Variants in VAV3 observed in about 807,000 individuals in gnomAD.
The protein encoded by VAV3 is vav guanine nucleotide exchange factor 3.
VAV3 carries 94 observed loss-of-function variants against 131.2 expected under a neutral mutation model. The observed-to-expected ratio is 0.72, with a 90% CI of 0.61 to 0.85. The LOEUF (loss-of-function observed/expected upper bound fraction) is 0.85, where lower values mean the gene tolerates loss of function less well. Among genes scored for constraint, VAV3 ranks in the 40% least tolerant of loss-of-function variants. The probability of loss-of-function intolerance (pLI) is 0.00; values close to 1 mark genes in which losing one functional copy is unlikely to be tolerated. For synonymous variants in VAV3, 349 were observed against 342.0 expected, an observed-to-expected ratio of 1.02 and a Z score of -0.22; for missense variants, 939 against 1,002.7, an observed-to-expected ratio of 0.94 and a Z score of 0.86.
Position 107,875,026 on chromosome 1 carries a change from T to A in VAV3, c.205-9A>T. On this transcript the variant is annotated splice_polypyrimidine_tract_variant and intron_variant, in intron 1 of 26. Transcript: ENST00000370056. ...TTCTTCAAACAGAGAAACTGAGGAA[T>A]GGAAAAGAGCTGTTAGCATAAAGTT... 1 of 1,605,850 alleles carries A rather than the reference T, an allele frequency of 6.2e-7. No homozygotes were observed. The highest frequency in any genetic ancestry group is 1.1e-5 in the South Asian group (1 of 90,902).
chr1:107,751,146 G>A lies in VAV3; in HGVS notation c.1230C>T (p.Thr410=), dbSNP rs1006662987. The change falls in exon 13 of 27, where the codon ACC becomes ACT. Residue 410 remains threonine, a synonymous_variant. Transcript: ENST00000370056. The part of the protein sequence containing the change: ...RPQGDGEIRI[T]TLDKHTKQER... ...CTTGTTTGGTATGCTTGTCTAGAGT[G>A]GTTATTCGAATTTCACCATCTCCCT... is the stretch of plus-strand genomic sequence containing the variant. 4.3e-6 allele frequency: 7 copies of A among 1,612,682 alleles called. No individual in the cohort carries two copies. The African/African-American group carries it at 5.3e-5, about 12-fold the overall frequency.
intron 22 of VAV3, among the ~76,000 whole-genome samples, chr1:107,603,400 CTAGTAA>C (rs2101108989): frequency 6.6e-6 from 1 of 152,164 alleles, no homozygotes; most frequent in Non-Finnish European, 1.5e-5. Flanking sequence ...CACTAAGCAC[CTAGTAA>C]ATAAATGGGA....
chr1:107,731,992 A>G (rs780280513), intron 15 of VAV3, among the ~76,000 whole-genome samples: 6 of 152,168 alleles, frequency 3.9e-5, no homozygotes, highest in Admixed American at 6.5e-5. Flanking sequence ...AACTTACAAC[A>G]ACTTACTTCT....
chr1:107,964,542 G>A (rs1329647361), intron 1 of VAV3, 124 bp downstream of exon 1: 4 of 1,109,470 alleles, frequency 3.6e-6, no homozygotes, highest in Non-Finnish European at 3.8e-6. Flanking sequence ...TGGTCCCAAA[G>A]CAGAAGGCTG....
intron 2 of VAV3, among the ~76,000 whole-genome samples, chr1:107,859,320 CCT>C (rs1202615274): frequency 1.3e-5 from 2 of 152,042 alleles, no homozygotes; most frequent in Non-Finnish European, 2.9e-5. Flanking sequence ...GATTCTCCAC[CCT>C]CTGTTTCCCA....
chr1:107,740,433 T>C (rs1662946236), intron 15 of VAV3, among the ~76,000 whole-genome samples: 1 of 152,160 alleles, frequency 6.6e-6, no homozygotes, highest in South Asian at 2.1e-4. Flanking sequence ...AGAAATTGAA[T>C]AGATACAGTC....
At chr1:107,707,289 A>G (rs1051171754) in intron 15 of VAV3, among the ~76,000 whole-genome samples, 2 of 152,240 alleles carry the variant, frequency 1.3e-5, no homozygotes, top group African/African-American at 4.8e-5. Context: ...AATAAAAAGC[A>G]TAGGTAAGGA....
chr1:107,793,587 A>G (rs1233148813), intron 2 of VAV3, among the ~76,000 whole-genome samples: 3 of 152,228 alleles, frequency 2.0e-5, no homozygotes, highest in African/African-American at 7.2e-5. Flanking sequence ...ACACAATGCA[A>G]GCAAACACTT....
chr1:107,875,804 C>T (rs1459858183), intron 1 of VAV3, among the ~76,000 whole-genome samples: 5 of 152,166 alleles, frequency 3.3e-5, no homozygotes, highest in Non-Finnish European at 5.9e-5. Context: ...ACATAAGGCT[C>T]TTGCAATAAC....
At chr1:107,589,506 T>C (rs999884353) in intron 25 of VAV3, among the ~76,000 whole-genome samples, 5 of 152,176 alleles carry the variant, frequency 3.3e-5, no homozygotes, top group Non-Finnish European at 7.3e-5. Context: ...CAGGAAGAAT[T>C]AGCCCTGCTA....
At chr1:107,737,614 T>A (rs1319875973) in intron 15 of VAV3, among the ~76,000 whole-genome samples, 2 of 152,190 alleles carry the variant, frequency 1.3e-5, no homozygotes, top group African/African-American at 4.8e-5. Context: ...ATGCTCATCA[T>A]CACTGGCCGT....
intron 21 of VAV3, among the ~76,000 whole-genome samples, chr1:107,612,870 T>C (rs1393316563): frequency 6.6e-6 from 1 of 152,152 alleles, no homozygotes; most frequent in African/African-American, 2.4e-5. Context: ...ATAAGGTTTC[T>C]ATCTGAATTT....
intron 1 of VAV3, among the ~76,000 whole-genome samples, chr1:107,879,529 T>A (rs573729863): frequency 1.1e-4 from 16 of 152,256 alleles, no homozygotes; most frequent in African/African-American, 3.9e-4. Context: ...AGAGATAGGG[T>A]GTTTTGGCAC....
chr1:107,963,207 G>A (rs1294958924), intron 1 of VAV3, among the ~76,000 whole-genome samples: 2 of 152,106 alleles, frequency 1.3e-5, no homozygotes, highest in African/African-American at 4.8e-5. Flanking sequence ...ACTCCCTACT[G>A]GTGGGCCAAG....
intron 15 of VAV3, among the ~76,000 whole-genome samples, chr1:107,748,133 TAAAAC>T (rs1663472112): frequency 6.6e-6 from 1 of 152,162 alleles, no homozygotes; most frequent in Non-Finnish European, 1.5e-5. Context: ...GAGCATTTCT[TAAAAC>T]AAAGAAAAAA....
chr1:107,731,360 T>A (rs1662227664), intron 15 of VAV3, among the ~76,000 whole-genome samples: 1 of 152,228 alleles, frequency 6.6e-6, no homozygotes, highest in Non-Finnish European at 1.5e-5. Context: ...CTGATCCTCA[T>A]TAGCACTGGT....
At chr1:107,835,658 C>T (rs1571018963) in intron 2 of VAV3, among the ~76,000 whole-genome samples, 1 of 152,148 alleles carries the variant, frequency 6.6e-6, no homozygotes, top group Admixed American at 6.5e-5. Context: ...ACAGTAGCCA[C>T]CAGAAGGAGA....
At chr1:107,629,681 C>T (rs6583033) in intron 20 of VAV3, among the ~76,000 whole-genome samples, 150,922 of 152,316 alleles carry the variant, frequency 0.99, 74,785 homozygotes, top group Middle Eastern at 1. Flanking sequence ...AATGCAAAGA[C>T]TGAACAGAGT....
At chr1:107,622,357 G>A (rs1488138047) in intron 20 of VAV3, among the ~76,000 whole-genome samples, 1 of 152,134 alleles carries the variant, frequency 6.6e-6, no homozygotes, top group Non-Finnish European at 1.5e-5. Context: ...GGTATGCCAG[G>A]ATGCTAGAGC....
Sources: gnomAD v4.1 joint callset for allele counts (sites outside exome capture counted in the v4.1 genomes callset) on GRCh38, gnomAD v4.1.1 for gene constraint, MANE v1.5 for transcripts, NCBI Gene and HGNC (gene_info 2026-07-23, HGNC 2026-07-21) for gene names.